The following MYOM3 variants were observed in gnomAD, a reference collection of about 807,000 sequenced individuals.
MYOM3 encodes the protein myomesin 3.
Under a neutral mutation model 191.7 loss-of-function variants are expected in MYOM3, and 155 were observed. The observed-to-expected ratio is 0.81, with a 90% confidence interval of 0.71 to 0.92. The LOEUF is 0.92. Among genes scored for constraint, MYOM3 ranks in the 40% least tolerant of loss-of-function variants. The pLI is 0.00. For synonymous variants in MYOM3, 757 were observed against 762.9 expected, an observed-to-expected ratio of 0.99 and a Z score of 0.13; for missense variants, 1,889 against 1,890.6, an observed-to-expected ratio of 1.00 and a Z score of 0.02.
rs755281900 is a variant in MYOM3 at position 24,092,161 on chromosome 1, G to T, written c.1232+13C>A. 3.4e-5 allele frequency: 49 copies of T among 1,447,380 alleles called. No individual in the cohort carries two copies. The highest frequency in any genetic ancestry group is 4.3e-5 in the Non-Finnish European group (47 of 1,093,030). 89.7% of individuals were successfully genotyped at this position (1,447,380 alleles called of 1,614,324 possible). ...TACCCCTAGGGCCTCTGCCACTCACGAGGTCGACTCACCGCTCAATGGTGT... is the reference window on the plus strand; with the variant it reads ...TACCCCTAGGGCCTCTGCCACTCACTAGGTCGACTCACCGCTCAATGGTGT... On this transcript the variant is annotated intron_variant, in intron 11 of 36. Transcript: ENST00000374434.
At position 24,099,792 on chromosome 1, in the gene MYOM3, G is replaced by A. The variant is rs770775362; in HGVS notation, c.561-17C>T. ...TTTTTGTACCTGTGGGGACATAGCGGTCTGTGGCAGGCAGGGTGGTTCTAA... is the reference window on the plus strand; with the variant it reads ...TTTTTGTACCTGTGGGGACATAGCGATCTGTGGCAGGCAGGGTGGTTCTAA... On this transcript the variant is annotated splice_polypyrimidine_tract_variant and intron_variant, in intron 5 of 36. Transcript: ENST00000374434. 2.5e-6 allele frequency: 4 copies of A among 1,599,402 alleles called. No homozygotes were observed. The South Asian group carries it at 4.4e-5, about 18-fold the overall frequency.
rs1257872860 is a variant in MYOM3, at chr1:24,086,709, A to G, written c.1733T>C (p.Met578Thr). The change falls in exon 15 of 37, where the codon ATG (methionine) becomes ACG (threonine). Residue 578 changes from methionine (M) to threonine (T), a missense_variant. Physicochemically the swap from Met to Thr is moderately conservative, Grantham distance 81. Transcript: ENST00000374434. ...GGGATCGCTCAGGCCATACTGGTTC[A>G]TTGCTCGCACTCTGAAGACATACGA... ...KKSYVFRVRA[M>T]NQYGLSDPSE... 3 of 1,613,908 alleles carry G rather than the reference A, an allele frequency of 1.9e-6. No individual in the cohort carries two copies. The highest frequency in any genetic ancestry group is 3.3e-5 in the Admixed American group (2 of 59,994).
At chr1:24,106,644 G>A (rs1451303722) in intron 4 of MYOM3, among the ~76,000 whole-genome samples, 1 of 152,172 alleles carries the variant, frequency 6.6e-6, no homozygotes. Flanking sequence ...GTGCAGTAGT[G>A]TGATCTTGGA....
chr1:24,061,285 T>C lies in MYOM3; in HGVS notation c.3959A>G (p.His1320Arg). The change falls in exon 34 of 37, where the codon CAC becomes CGC. Residue 1320 changes from histidine (H) to arginine (R), a missense_variant. By Grantham distance (29) the His-to-Arg change is conservative. Transcript: ENST00000374434. ...GQAFEDAMAEHQRLKTLAIIE... is the reference protein window; with the variant it reads ...GQAFEDAMAERQRLKTLAIIE... ...AGAGGAAACTTACTTCAGTCTCTGG[T>C]GTTCAGCCATTGCATCCTCAAAAGC... 6.2e-7 allele frequency: 1 copy of C among 1,614,126 alleles called. No individual in the cohort carries two copies. The highest frequency in any genetic ancestry group is 1.6e-4 in the Middle Eastern group (1 of 6,062).
At chr1:24,082,293 T>A in intron 17 of MYOM3, 105 bp from the exon 18 acceptor site, 1 of 1,095,016 alleles carries the variant, frequency 9.1e-7, no homozygotes, top group Non-Finnish European at 1.3e-6. Flanking sequence ...GTGCCTGCCC[T>A]ACTCCAGGGG....
chr1:24,108,772 G>T, intron 1 of MYOM3, 118 bp from the exon 2 acceptor site: 1 of 692,270 alleles, frequency 1.4e-6, no homozygotes, highest in Non-Finnish European at 2.3e-6. Context: ...CCTCTCTGCA[G>T]TCGGCAGACA....
rs1404800523 is a variant in MYOM3 at position 24,056,733 on chromosome 1, G to C, written c.*631C>G. 6.6e-6 allele frequency: 1 copy of C among 152,432 alleles called. No homozygotes were observed. The highest frequency in any genetic ancestry group is 2.4e-5 in the African/African-American group (1 of 41,436). 9.4% of individuals were successfully genotyped at this position (152,432 alleles called of 1,614,324 possible). ...GGACGACCCTCTGTCTCCCTCCTTG[G>C]ACCACTGGCGGCACTTTCCTTGGAC... On this transcript the variant is annotated 3_prime_UTR_variant, in exon 37 of 37. Coordinates refer to ENST00000374434, the MANE Select transcript of MYOM3 (RefSeq NM_152372.4).
chr1:24,090,823 T>TCAC lies in MYOM3; in HGVS notation c.1403_1405dup (p.Gly468dup). On this transcript the variant is annotated inframe_insertion, in exon 12 of 37. Coordinates refer to ENST00000374434, the MANE Select transcript of MYOM3 (RefSeq NM_152372.4). ...TGTCTTCCTCCGGGCTGCATCATGG[T>TCAC]CACCCATGACAACCAACTCTGAGGC... 6.2e-7 allele frequency: 1 copy of TCAC among 1,614,082 alleles called. No individual in the cohort carries two copies. Among genetic ancestry groups the TCAC allele is most frequent in the Non-Finnish European group, 8.5e-7 (1 of 1,179,996 alleles).
At chr1:24,106,199 G>T in intron 4 of MYOM3, 122 bp from the exon 5 acceptor site, 1 of 1,143,086 alleles carries the variant, frequency 8.7e-7, no homozygotes, top group Non-Finnish European at 1.2e-6. Context: ...GGAGTTCCCG[G>T]TCCCCTCCCC....
chr1:24,104,746 G>A (rs957007473), intron 5 of MYOM3, among the ~76,000 whole-genome samples: 3 of 152,106 alleles, frequency 2.0e-5, no homozygotes, highest in African/African-American at 4.8e-5. Flanking sequence ...ATGGGGTCTC[G>A]CCAGCTGCCC....
At chr1:24,080,616 C>T (rs1365137333) in intron 19 of MYOM3, among the ~76,000 whole-genome samples, 1 of 152,136 alleles carries the variant, frequency 6.6e-6, no homozygotes, top group Non-Finnish European at 1.5e-5. Context: ...TTCCTGTCCC[C>T]TCGTCTGTAA....
Position 24,060,801 on chromosome 1 carries a change from C to T in MYOM3, c.3994+259G>A, listed in dbSNP as rs567570919. ...GCCCAGCCTCATTCCTGTCTGTCCCCTCCTTTTCGGTCCCACCAATGTAGT... is the reference window on the plus strand; with the variant it reads ...GCCCAGCCTCATTCCTGTCTGTCCCTTCCTTTTCGGTCCCACCAATGTAGT... On this transcript the variant is annotated intron_variant, in intron 35 of 36. Transcript: ENST00000374434. Among the ~76,000 whole-genome samples, 12 of 152,320 alleles carry T rather than the reference C, an allele frequency of 7.9e-5. No individual in the cohort carries two copies. The South Asian group carries it at 2.5e-3, about 32-fold the overall frequency.
rs1316888834 is a variant in MYOM3 at position 24,067,953 on chromosome 1, A to T, written c.3355+17T>A. ...CCAGTGGCCAGGGATTTTGAACTTC[A>T]CCCCAGCAGCTCTTACCCTGTTTTC... On this transcript the variant is annotated intron_variant, in intron 27 of 36. Coordinates refer to ENST00000374434, the MANE Select transcript of MYOM3 (RefSeq NM_152372.4). 6.2e-7 allele frequency: 1 copy of T among 1,613,268 alleles called. No individual in the cohort carries two copies. Among genetic ancestry groups the T allele is most frequent in the African/African-American group, 1.3e-5 (1 of 74,962 alleles).
chr1:24,074,075 G>T, intron 23 of MYOM3, 85 bp downstream of exon 23: 5 of 991,526 alleles, frequency 5.0e-6, no homozygotes, highest in South Asian at 1.5e-5. Context: ...TACTCATTTT[G>T]GTTGCTTTTT....
chr1:24,066,380 CT>C (rs1643434582), intron 28 of MYOM3: 1 of 623,336 alleles, frequency 1.6e-6, no homozygotes, highest in African/African-American at 1.8e-5. Flanking sequence ...ACAGAGACCA[CT>C]TCATCATCTT....
chr1:24,071,324 C>G (rs71640820), intron 24 of MYOM3, 71 bp from the exon 25 acceptor site: 2 of 1,524,590 alleles, frequency 1.3e-6, no homozygotes, highest in African/African-American at 1.4e-5. Flanking sequence ...CCAGCCCCAC[C>G]TTGAGCACAC....
chr1:24,096,816 C>A (rs897017100), intron 7 of MYOM3, among the ~76,000 whole-genome samples: 13 of 152,170 alleles, frequency 8.5e-5, no homozygotes, highest in African/African-American at 3.1e-4. Flanking sequence ...TTCTTCTGGG[C>A]CCAAAGGTGT....
At chr1:24,059,292 G>A (rs543413312) in intron 35 of MYOM3, among the ~76,000 whole-genome samples, 2 of 152,192 alleles carry the variant, frequency 1.3e-5, no homozygotes, top group African/African-American at 2.4e-5. Context: ...GCATCAGCCC[G>A]CCTAGCTAAT....
intron 4 of MYOM3, 26 bp from the exon 5 acceptor site, chr1:24,106,103 G>A (rs762100357): frequency 1.9e-5 from 30 of 1,578,258 alleles, no homozygotes; most frequent in South Asian, 1.3e-4. Context: ...GGTGTATGAC[G>A]CTGTGAGCCA....
Sources: allele counts gnomAD v4.1 joint callset (sites outside exome capture counted in the v4.1 genomes callset), GRCh38; gene constraint gnomAD v4.1.1; transcripts MANE v1.5; gene names NCBI Gene and HGNC (gene_info 2026-07-23, HGNC 2026-07-21).